PLEKHO2: variants seen among roughly 807,000 people sequenced by gnomAD.
PLEKHO2 encodes the protein pleckstrin homology domain containing O2, also known as pleckstrin homology domain-containing family O member 2.
PLEKHO2 carries 20 observed loss-of-function variants against 32.7 expected under a neutral mutation model. The observed-to-expected ratio is 0.61, with a 90% CI of 0.43 to 0.89. PLEKHO2 has a LOEUF of 0.89. Ranked by LOEUF, PLEKHO2 falls within the 40% of genes least tolerant of loss-of-function variation. PLEKHO2 has a pLI of 0.00. For missense variants in PLEKHO2, 568 were observed against 621.2 expected (o/e 0.91, Z 0.91); for synonymous variants, 247 against 246.3 (o/e 1.00, Z -0.03).
intron 3 of PLEKHO2, among the ~76,000 whole-genome samples, chr15:64,859,663 C>G (rs2084629558): frequency 6.6e-6 from 1 of 152,218 alleles, no homozygotes. Flanking sequence ...GATCCGGGCT[C>G]TTTCCACAAG....
intron 2 of PLEKHO2, among the ~76,000 whole-genome samples, chr15:64,851,813 G>T (rs2084571753): frequency 1.3e-5 from 2 of 152,218 alleles, no homozygotes; most frequent in South Asian, 4.1e-4. Flanking sequence ...AGGCAGAGGA[G>T]GGTGTATTCG....
At chr15:64,842,052 G>A (rs2084487798) in intron 1 of PLEKHO2, 24 bp downstream of exon 1, 1 of 1,237,802 alleles carries the variant, frequency 8.1e-7, no homozygotes, top group South Asian at 3.7e-5. Flanking sequence ...CCGGCGGGGC[G>A]TTGGGCTGGG....
rs752518066 is a variant in PLEKHO2 at position 64,865,899 on chromosome 15, GCCAGAGGCACCATCCCTTCTGGC to G, written c.*13_*35del. ...AGAAGTGCACCCTAGGGCCTTCTGG[GCCAGAGGCACCATCCCTTCTGGC>G]CATCCATCAAGTCCATCAAGGCCCA... On this transcript the variant is annotated 3_prime_UTR_variant, in exon 6 of 6. Coordinates refer to ENST00000323544, the MANE Select transcript of PLEKHO2 (RefSeq NM_025201.5). 2 of 1,590,470 alleles carry G rather than the reference GCCAGAGGCACCATCCCTTCTGGC, an allele frequency of 1.3e-6. No individual in the cohort carries two copies. Among genetic ancestry groups the G allele is most frequent in the Admixed American group, 1.7e-5 (1 of 59,366 alleles).
intron 2 of PLEKHO2, among the ~76,000 whole-genome samples, chr15:64,849,506 C>T (rs1255880399): frequency 6.6e-6 from 1 of 150,498 alleles, no homozygotes; most frequent in Non-Finnish European, 1.5e-5. Flanking sequence ...TGCAATGGCA[C>T]GATCTCAGCT....
At chr15:64,856,386 G>T (rs1567096915) in intron 3 of PLEKHO2, among the ~76,000 whole-genome samples, 3 of 152,078 alleles carry the variant, frequency 2.0e-5, no homozygotes, top group African/African-American at 7.2e-5. Context: ...GTCTGTCTGG[G>T]TGTGTGTCTT....
chr15:64,845,678 A>C (rs904528629), intron 1 of PLEKHO2, among the ~76,000 whole-genome samples: 2 of 152,180 alleles, frequency 1.3e-5, no homozygotes, highest in Non-Finnish European at 2.9e-5. Context: ...TTCATTCTTC[A>C]AGGACCTGGA....
chr15:64,861,536 C>T lies in PLEKHO2; in HGVS notation c.444C>T (p.Gly148=). The T allele has an allele frequency of 6.2e-7, 1 of 1,607,858 alleles. No individual in the cohort carries two copies. The highest frequency in any genetic ancestry group is 8.5e-7 in the Non-Finnish European group (1 of 1,177,766). Residue 148 remains glycine (G), a synonymous_variant, in exon 5 of 6, where the codon GGC becomes GGT. Transcript: ENST00000323544. ...TGACACGGGACCGGGTGCGAGGGGG[C>T]CAGCGACGCCGGCCACCAACGAGAG... ...EHVTRDRVRG[G]QRRRPPTRVH... is the part of the protein sequence containing the mutation.
At chr15:64,864,824 A>G in intron 5 of PLEKHO2, 75 bp from the exon 6 acceptor site, 1 of 1,491,738 alleles carries the variant, frequency 6.7e-7, no homozygotes, top group South Asian at 1.3e-5. Context: ...GAGGGTAAGA[A>G]CTCGTGTCAG....
chr15:64,862,013 C>G (rs1410241930), intron 5 of PLEKHO2, among the ~76,000 whole-genome samples: 4 of 152,090 alleles, frequency 2.6e-5, no homozygotes, highest in African/African-American at 7.2e-5. Context: ...TTAGCTGACC[C>G]TTGAAGGATG....
chr15:64,842,009 G>A lies in PLEKHO2; in HGVS notation c.-8G>A. The A allele has an allele frequency of 8.0e-7, 1 of 1,245,750 alleles. No individual in the cohort carries two copies. Among genetic ancestry groups the A allele is most frequent in the East Asian group, 3.1e-5 (1 of 31,900 alleles). 77.2% of individuals were successfully genotyped at this position (1,245,750 alleles called of 1,614,324 possible). A position where few individuals can be genotyped will look rare whatever the true frequency, so the allele number is the denominator to read the frequency against. On this transcript the variant is annotated 5_prime_UTR_variant, in exon 1 of 6. Transcript: ENST00000323544. ...GTGGCGGAGCGGCGGGACCTCGGCGGACTCGCCATGGAGGAGGAGGTGAGG... is the reference window on the plus strand; with the variant it reads ...GTGGCGGAGCGGCGGGACCTCGGCGAACTCGCCATGGAGGAGGAGGTGAGG...
chr15:64,861,528 C>T lies in PLEKHO2; in HGVS notation c.436C>T (p.Arg146Ter), dbSNP rs777566884. The T allele has an allele frequency of 4.4e-6, 7 of 1,608,844 alleles. No homozygotes were observed. Among genetic ancestry groups the T allele is most frequent in the African/African-American group, 1.3e-5 (1 of 74,940 alleles). Residue 146 changes from arginine to a stop codon, truncating the protein, a stop_gained, in exon 5 of 6, where the codon CGA (arginine) becomes TGA (stop). Transcript: ENST00000323544. LOFTEE classifies it low-confidence loss of function (END_TRUNC). ...GGAGCATGTGACACGGGACCGGGTG[C>T]GAGGGGGCCAGCGACGCCGGCCACC... ...ALEHVTRDRV[R>*]GGQRRRPPTR...
At chr15:64,854,589 C>T (rs778140502) in intron 2 of PLEKHO2, among the ~76,000 whole-genome samples, 9 of 152,242 alleles carry the variant, frequency 5.9e-5, no homozygotes, top group Non-Finnish European at 8.8e-5. Flanking sequence ...AGATCTCTGC[C>T]TGGCCTCTGG....
At position 64,855,100 on chromosome 15, in the gene PLEKHO2, G is replaced by A. The variant is rs563783477; in HGVS notation, c.279+63G>A. 84 of 1,355,926 alleles carry A rather than the reference G, an allele frequency of 6.2e-5. 1 individual carries two copies. In the South Asian group the frequency reaches 9.9e-4, roughly 16 times the overall value. 84.0% of individuals were successfully genotyped at this position (1,355,926 alleles called of 1,614,324 possible). A position where few individuals can be genotyped will look rare whatever the true frequency, so the allele number is the denominator to read the frequency against. ...CCCAGAGTCAGCTTGGGAGGCCTAA[G>A]CAGGTTTAAGGCAGGCCTGGCCCCT... On this transcript the variant is annotated intron_variant, in intron 3 of 5. Transcript: ENST00000323544.
intron 2 of PLEKHO2, among the ~76,000 whole-genome samples, chr15:64,853,786 G>C (rs2084588009): frequency 6.6e-6 from 1 of 152,190 alleles, no homozygotes; most frequent in Admixed American, 6.5e-5. Context: ...ATTTGGGTCT[G>C]TGTGCCTAGG....
At chr15:64,854,457 A>T (rs1338072411) in intron 2 of PLEKHO2, among the ~76,000 whole-genome samples, 1 of 152,124 alleles carries the variant, frequency 6.6e-6, no homozygotes, top group Non-Finnish European at 1.5e-5. Flanking sequence ...TGTAGCCCCA[A>T]ATTTGCCTTG....
chr15:64,845,017 G>A (rs533146785), intron 1 of PLEKHO2, among the ~76,000 whole-genome samples: 39 of 152,186 alleles, frequency 2.6e-4, no homozygotes, highest in Non-Finnish European at 5.1e-4. Flanking sequence ...TCAATGCCCC[G>A]GCACAGGACT....
At chr15:64,859,191 G>A (rs1009637822) in intron 3 of PLEKHO2, among the ~76,000 whole-genome samples, 3 of 152,244 alleles carry the variant, frequency 2.0e-5, no homozygotes, top group Non-Finnish European at 4.4e-5. Context: ...CACTGAGGTT[G>A]CTTCCACCTT....
At chr15:64,852,836 G>GT (rs1258848882) in intron 2 of PLEKHO2, among the ~76,000 whole-genome samples, 1 of 152,006 alleles carries the variant, frequency 6.6e-6, no homozygotes, top group Non-Finnish European at 1.5e-5. Flanking sequence ...GGCCAGGCTG[G>GT]TAGCAGTGGT....
Position 64,865,885 on chromosome 15 carries a change from C to G in PLEKHO2, c.1470C>G (p.Pro490=), listed in dbSNP as rs368810242. ...ELVTLYRRSA[P] Reference sequence around the variant, plus strand: ...TGACCCTCTACAGGAGAAGTGCACCCTAGGGCCTTCTGGGCCAGAGGCACC... The same window carrying G: ...TGACCCTCTACAGGAGAAGTGCACCGTAGGGCCTTCTGGGCCAGAGGCACC... Residue 490 remains proline (P), a synonymous_variant, in exon 6 of 6, where the codon CCC becomes CCG. Coordinates refer to ENST00000323544, the MANE Select transcript of PLEKHO2 (RefSeq NM_025201.5). 2 of 1,597,538 alleles carry G rather than the reference C, an allele frequency of 1.3e-6. No homozygotes were observed. Among genetic ancestry groups the G allele is most frequent in the Non-Finnish European group, 1.7e-6 (2 of 1,175,258 alleles).
Sources: gnomAD v4.1 joint callset for allele counts (sites outside exome capture counted in the v4.1 genomes callset) on GRCh38, gnomAD v4.1.1 for gene constraint, MANE v1.5 for transcripts, NCBI Gene and HGNC (gene_info 2026-07-23, HGNC 2026-07-21) for gene names.